Variants in SMOC1 observed in about 807,000 individuals in gnomAD.
The protein encoded by SMOC1 is SPARC-related modular calcium-binding protein 1.
In SMOC1, 22 loss-of-function variants were observed where a neutral mutation model predicts 56.3. That is an observed-to-expected ratio of 0.39 (90% CI 0.28 to 0.56). The LOEUF is 0.56. SMOC1 is among the 20% of genes least tolerant of loss of function. The probability of loss-of-function intolerance (pLI) is 0.61; values close to 1 mark genes in which losing one functional copy is unlikely to be tolerated. For missense variants in SMOC1, 509 were observed against 565.4 expected (o/e 0.90, Z 1.01); for synonymous variants, 193 against 215.0 (o/e 0.90, Z 0.89).
At chr14:69,910,278 C>T (rs1371677981) in intron 1 of SMOC1, among the ~76,000 whole-genome samples, 1 of 152,180 alleles carries the variant, frequency 6.6e-6, no homozygotes, top group Non-Finnish European at 1.5e-5. Flanking sequence ...AGTACTTAGG[C>T]CCCTGGGAAG....
chr14:69,881,360 A>T (rs1883633176), intron 1 of SMOC1, among the ~76,000 whole-genome samples: 1 of 152,078 alleles, frequency 6.6e-6, no homozygotes, highest in Admixed American at 6.6e-5. Context: ...GAAAGGAGAG[A>T]GGCCCTGAGA....
intron 7 of SMOC1, among the ~76,000 whole-genome samples, chr14:70,001,919 A>T (rs1290679572): frequency 6.6e-6 from 1 of 152,218 alleles, no homozygotes; most frequent in African/African-American, 2.4e-5. Context: ...TATTGCCTCT[A>T]TTCCAACTGT....
chr14:69,910,733 A>G (rs1272260705), intron 1 of SMOC1, among the ~76,000 whole-genome samples: 1 of 152,138 alleles, frequency 6.6e-6, no homozygotes, highest in Non-Finnish European at 1.5e-5. Context: ...GTGTCAAGTC[A>G]AATGCACCTC....
intron 1 of SMOC1, among the ~76,000 whole-genome samples, chr14:69,937,664 C>T (rs1885329333): frequency 6.6e-6 from 1 of 152,248 alleles, no homozygotes; most frequent in Non-Finnish European, 1.5e-5. Context: ...GGTCTGACAG[C>T]ACCAGCGCCA....
intron 1 of SMOC1, among the ~76,000 whole-genome samples, chr14:69,937,561 C>T (rs540090121): frequency 1.3e-5 from 2 of 152,270 alleles, no homozygotes; most frequent in East Asian, 3.9e-4. Context: ...AGAACAGCCT[C>T]ACAGTTGTGC....
chr14:69,888,146 G>A (rs1336144708), intron 1 of SMOC1, among the ~76,000 whole-genome samples: 3 of 152,054 alleles, frequency 2.0e-5, no homozygotes, highest in South Asian at 2.1e-4. Flanking sequence ...GAAATAAATC[G>A]GAGCTGCTTG....
intron 3 of SMOC1, among the ~76,000 whole-genome samples, chr14:69,956,993 G>A (rs1398770339): frequency 2.6e-5 from 4 of 152,096 alleles, no homozygotes; most frequent in African/African-American, 9.7e-5. Context: ...TCTGTTTCTC[G>A]ATTGCATCCT....
chr14:69,964,612 C>T (rs899441205), intron 3 of SMOC1, among the ~76,000 whole-genome samples: 3 of 152,072 alleles, frequency 2.0e-5, no homozygotes, highest in African/African-American at 4.8e-5. Flanking sequence ...TTGCTGACCT[C>T]GAGATCTGCC....
At chr14:69,978,089 A>T in intron 5 of SMOC1, 124 bp downstream of exon 5, 1 of 815,978 alleles carries the variant, frequency 1.2e-6, no homozygotes, top group South Asian at 1.4e-5. Context: ...CATCTTCTCC[A>T]TTCTTATTCC....
At chr14:69,909,364 T>C (rs1392054956) in intron 1 of SMOC1, among the ~76,000 whole-genome samples, 1 of 152,240 alleles carries the variant, frequency 6.6e-6, no homozygotes, top group Non-Finnish European at 1.5e-5. Context: ...AGGAATTGGC[T>C]GAGCTCTTCC....
At chr14:69,950,672 C>T (rs1056983558) in intron 1 of SMOC1, among the ~76,000 whole-genome samples, 1 of 152,160 alleles carries the variant, frequency 6.6e-6, no homozygotes, top group African/African-American at 2.4e-5. Flanking sequence ...AGGGTGGACC[C>T]AGGTCTCAAG....
At chr14:69,930,200 G>C (rs1013068786) in intron 1 of SMOC1, among the ~76,000 whole-genome samples, 1 of 151,336 alleles carries the variant, frequency 6.6e-6, no homozygotes, top group Non-Finnish European at 1.5e-5. Context: ...TCCCCTGACA[G>C]CACCCTTCTC....
intron 7 of SMOC1, among the ~76,000 whole-genome samples, chr14:69,996,837 C>A (rs1236270415): frequency 6.6e-6 from 1 of 152,206 alleles, no homozygotes; most frequent in Non-Finnish European, 1.5e-5. Context: ...GACTGAATGC[C>A]TATCAATCTC....
chr14:69,953,799 G>A (rs1386292391), intron 3 of SMOC1, among the ~76,000 whole-genome samples: 3 of 152,150 alleles, frequency 2.0e-5, no homozygotes, highest in Admixed American at 6.5e-5. Flanking sequence ...CCTCCCTGCC[G>A]TCTGTCTCCT....
chr14:69,970,721 C>G (rs575732434), intron 3 of SMOC1, among the ~76,000 whole-genome samples: 14 of 152,272 alleles, frequency 9.2e-5, no homozygotes, highest in African/African-American at 2.9e-4. Context: ...CCCCTTTGCT[C>G]CCTGACTTGC....
intron 1 of SMOC1, among the ~76,000 whole-genome samples, chr14:69,887,584 A>T (rs535571967): frequency 6.6e-6 from 1 of 152,088 alleles, no homozygotes; most frequent in South Asian, 2.1e-4. Context: ...AGAGTAAGGG[A>T]CTCCTTTCTT....
rs1367561880 is a variant in SMOC1, at chr14:69,994,477, T to A, written c.661T>A (p.Ser221Thr). ...SKLNNTNIRNSEKVYSCDQER... is the reference protein window; with the variant it reads ...SKLNNTNIRNTEKVYSCDQER... ...ACTGAACAACACCAACATAAGAAAT[T>A]CAGGTAAATAACCTTCCTTGGATTA... is the stretch of plus-strand genomic sequence containing the variant. The change falls in exon 7 of 12, where the codon TCA becomes ACA. Residue 221 changes from serine (S) to threonine (T), a missense_variant. Ser to Thr is a moderately conservative substitution (Grantham distance 58, BLOSUM62 1). Transcript: ENST00000361956. 7 of 1,611,528 alleles carry A rather than the reference T, an allele frequency of 4.3e-6. No individual in the cohort carries two copies. In the South Asian group the frequency reaches 5.5e-5, roughly 13 times the overall value.
At chr14:70,008,503 T>G (rs1321972433) in intron 7 of SMOC1, among the ~76,000 whole-genome samples, 1 of 152,154 alleles carries the variant, frequency 6.6e-6, no homozygotes, top group Non-Finnish European at 1.5e-5. Context: ...AGAACAGCCT[T>G]CAAGGACTTC....
Position 70,023,191 on chromosome 14 carries a change from T to C in SMOC1, c.1047-12T>C. On this transcript the variant is annotated splice_polypyrimidine_tract_variant and intron_variant, in intron 10 of 11. Coordinates refer to ENST00000361956, the MANE Select transcript of SMOC1 (RefSeq NM_001034852.3). ...GTGTTCTCTGCGGTGGGGGTGTTTG[T>C]CCATGGCCCAGGTTCTCAGAGCCAG... 6.2e-7 allele frequency: 1 copy of C among 1,614,002 alleles called. No homozygotes were observed. The highest frequency in any genetic ancestry group is 8.5e-7 in the Non-Finnish European group (1 of 1,179,980).
Sources: gnomAD v4.1 joint callset for allele counts (sites outside exome capture counted in the v4.1 genomes callset) on GRCh38, gnomAD v4.1.1 for gene constraint, MANE v1.5 for transcripts, NCBI Gene and HGNC (gene_info 2026-07-23, HGNC 2026-07-21) for gene names.